Variants in NFASC observed in about 807,000 individuals in gnomAD.
The protein encoded by NFASC is neurofascin.
Under a neutral mutation model 147.5 loss-of-function variants are expected in NFASC, and 43 were observed. The ratio of observed to expected loss-of-function variants is 0.29; its 90% CI spans 0.23 to 0.38. NFASC has a LOEUF of 0.38. Among genes scored for constraint, NFASC ranks in the 10% least tolerant of loss-of-function variants. NFASC has a pLI of 1.00. For missense variants in NFASC, 1,320 were observed against 1,689.0 expected (o/e 0.78, Z 3.83); for synonymous variants, 622 against 665.5 (o/e 0.93, Z 1.01).
At chr1:204,870,974 G>C in intron 1 of NFASC, 2 of 1,287,156 alleles carry the variant, frequency 1.6e-6, no homozygotes, top group Admixed American at 4.6e-5. Context: ...GATGGCCTGG[G>C]GCCTAAGAAA....
At chr1:204,886,936 C>T (rs1202263943) in intron 1 of NFASC, among the ~76,000 whole-genome samples, 4 of 152,072 alleles carry the variant, frequency 2.6e-5, no homozygotes, top group African/African-American at 9.7e-5. Context: ...ATTTTTATTT[C>T]ATCACAGGAA....
chr1:204,920,430 T>C (rs2149435367), intron 1 of NFASC, among the ~76,000 whole-genome samples: 1 of 90,954 alleles, frequency 1.1e-5, no homozygotes, highest in Middle Eastern at 5.9e-3. Flanking sequence ...ATCTGTCCTT[T>C]TTTTTTTTTT....
At chr1:204,833,618 A>G (rs758377147) in intron 1 of NFASC, among the ~76,000 whole-genome samples, 4 of 152,240 alleles carry the variant, frequency 2.6e-5, no homozygotes, top group Admixed American at 6.5e-5. Context: ...CTGCTTTCAA[A>G]TAGAAGAAAT....
intron 1 of NFASC, among the ~76,000 whole-genome samples, chr1:204,873,772 G>T (rs1203456158): frequency 6.6e-6 from 1 of 152,222 alleles, no homozygotes; most frequent in Admixed American, 6.5e-5. Context: ...TTGCCAACCA[G>T]CTGGGCTGCT....
In NFASC at chr1:204,954,666, C is replaced by T. The variant is rs559741071; in HGVS notation, c.413-163C>T. Among the ~76,000 whole-genome samples, 500 of 152,288 alleles carry T rather than the reference C, an allele frequency of 3.3e-3. 1 individual carries two copies. Among genetic ancestry groups the T allele is most frequent in the African/African-American group, 0.011 (467 of 41,564 alleles). ...CCTCCCTTCTCCTGCCTCTCAAGGG[C>T]GGCCCCTTGAGTAGGCTCACGTGCC... On this transcript the variant is annotated intron_variant, in intron 6 of 29. Transcript: ENST00000339876. This position sits in a 1 kb window ranked among gnomAD's most constrained non-coding sequence, Gnocchi z 5.7.
chr1:204,892,993 C>CA (rs1165556172), intron 1 of NFASC, among the ~76,000 whole-genome samples: 8 of 151,900 alleles, frequency 5.3e-5, no homozygotes, highest in South Asian at 2.1e-4. Flanking sequence ...TGTTAGGAAG[C>CA]AAAAAAACAA....
chr1:204,897,355 A>C (rs1401240439), intron 1 of NFASC, among the ~76,000 whole-genome samples: 5 of 152,172 alleles, frequency 3.3e-5, no homozygotes, highest in Non-Finnish European at 5.9e-5. Context: ...TGATAGTGAT[A>C]GCAGAGCAGA....
intron 3 of NFASC, among the ~76,000 whole-genome samples, chr1:204,949,296 A>C (rs1038575519): frequency 6.6e-6 from 1 of 151,744 alleles, no homozygotes; most frequent in Non-Finnish European, 1.5e-5. Flanking sequence ...TCTTGTTCTG[A>C]GCTTAACTCT....
chr1:204,982,333 C>T (rs182346437), intron 21 of NFASC, among the ~76,000 whole-genome samples: 2 of 152,366 alleles, frequency 1.3e-5, no homozygotes, highest in East Asian at 3.9e-4. Flanking sequence ...GTCTTGAGAA[C>T]AGAGCCCAGG....
intron 27 of NFASC, among the ~76,000 whole-genome samples, chr1:205,003,130 C>T (rs1381430537): frequency 6.6e-6 from 1 of 152,156 alleles, no homozygotes. Context: ...GGGGCTGGCT[C>T]CCTTCATGCA....
At chr1:204,981,297 C>T (rs2278797) in intron 20 of NFASC, among the ~76,000 whole-genome samples, 1 of 152,266 alleles carries the variant, frequency 6.6e-6, no homozygotes, top group East Asian at 1.9e-4. Context: ...AGCAGAATCA[C>T]ACCCATGTTT....
At chr1:204,833,809 C>T (rs1466537219) in intron 1 of NFASC, among the ~76,000 whole-genome samples, 2 of 152,178 alleles carry the variant, frequency 1.3e-5, no homozygotes, top group East Asian at 3.9e-4. Flanking sequence ...CCTTTGCAAC[C>T]AGACAGATCT....
intron 16 of NFASC, chr1:204,977,211 C>A: frequency 5.1e-6 from 4 of 790,330 alleles, no homozygotes; most frequent in Non-Finnish European, 6.3e-6. Context: ...CGCTCCATCC[C>A]TGGGTTTTGG....
chr1:204,973,235 C>G (rs758866819), intron 11 of NFASC, 41 bp from the exon 12 acceptor site: 1 of 1,610,586 alleles, frequency 6.2e-7, no homozygotes, highest in Non-Finnish European at 8.5e-7. Context: ...TCACCCTGCC[C>G]TCCCCATCTC....
At chr1:204,895,365 C>A (rs2083194002) in intron 1 of NFASC, among the ~76,000 whole-genome samples, 1 of 152,228 alleles carries the variant, frequency 6.6e-6, no homozygotes, top group Admixed American at 6.5e-5. Flanking sequence ...CCACCAGCTT[C>A]TTTTAATTTC....
At chr1:204,850,178 A>G (rs1483645047) in intron 1 of NFASC, among the ~76,000 whole-genome samples, 1 of 152,226 alleles carries the variant, frequency 6.6e-6, no homozygotes, top group Non-Finnish European at 1.5e-5. Context: ...AAATTCTGTG[A>G]GGCAATGAGT....
intron 1 of NFASC, among the ~76,000 whole-genome samples, chr1:204,900,877 A>G (rs2084422923): frequency 1.3e-5 from 2 of 152,108 alleles, no homozygotes; most frequent in South Asian, 2.1e-4. Flanking sequence ...GGGTCTTGCT[A>G]TGTTGTCCAG....
intron 1 of NFASC, among the ~76,000 whole-genome samples, chr1:204,916,848 C>T (rs984427314): frequency 6.6e-6 from 1 of 152,160 alleles, no homozygotes; most frequent in African/African-American, 2.4e-5. Flanking sequence ...GCTGGGATTA[C>T]AGGCGTGAGT....
intron 8 of NFASC, among the ~76,000 whole-genome samples, chr1:204,963,338 C>G (rs1319622123): frequency 1.3e-5 from 2 of 152,304 alleles, no homozygotes; most frequent in East Asian, 3.9e-4. Context: ...AGCCCCAGAG[C>G]CCTGGTATGG....
Sources: gnomAD v4.1 joint callset for allele counts (sites outside exome capture counted in the v4.1 genomes callset) on GRCh38, gnomAD v4.1.1 for gene constraint, Gnocchi (gnomAD v3.1) non-coding constraint, MANE v1.5 for transcripts, NCBI Gene and HGNC (gene_info 2026-07-23, HGNC 2026-07-21) for gene names.